The following LANCL2 variants were observed in gnomAD, a reference collection of about 807,000 sequenced individuals.
LANCL2 encodes the protein LanC like glutathione S-transferase 2, also known as lanC-like protein 2.
Under a neutral mutation model 56.9 loss-of-function variants are expected in LANCL2, and 33 were observed. The observed-to-expected ratio is 0.58, with a 90% CI of 0.44 to 0.78. The LOEUF is 0.78. Ranked by LOEUF, LANCL2 falls within the 30% of genes least tolerant of loss-of-function variation. LANCL2 has a pLI of 0.00. For synonymous variants in LANCL2, 233 were observed against 228.2 expected (o/e 1.02, Z -0.19); for missense variants, 562 against 580.2 (o/e 0.97, Z 0.32).
chr7:55,432,842 A>G lies in LANCL2; in HGVS notation c.*1522A>G, dbSNP rs565271008. On this transcript the variant is annotated 3_prime_UTR_variant, in exon 9 of 9. Transcript: ENST00000254770. ...CATTATTTTCTTTCATGTTAGATTG[A>G]TGACTTCTGTGAATAGAAATCATCC... is the stretch of plus-strand genomic sequence containing the variant. 1 of 152,276 alleles carries G rather than the reference A, an allele frequency of 6.6e-6. No homozygotes were observed. The highest frequency in any genetic ancestry group is 2.1e-4 in the South Asian group (1 of 4,818). 9.4% of individuals were successfully genotyped at this position (152,276 alleles called of 1,614,324 possible). A position where few individuals can be genotyped will look rare whatever the true frequency, so the allele number is the denominator to read the frequency against.
In LANCL2 at chr7:55,431,208, C is replaced by T; in HGVS notation, c.1259-18C>T. 6.3e-7 allele frequency: 1 copy of T among 1,586,670 alleles called. No individual in the cohort carries two copies. Among genetic ancestry groups the T allele is most frequent in the South Asian group, 1.1e-5 (1 of 88,986 alleles). The stretch of plus-strand genomic sequence containing the variant: ...ACCCTTATGCCATTCCTAAGAGGCT[C>T]CTCATTTTACATTGCAGGCATGGCT... On this transcript the variant is annotated intron_variant, in intron 8 of 8. Coordinates refer to ENST00000254770, the MANE Select transcript of LANCL2 (RefSeq NM_018697.4).
chr7:55,395,339 C>G (rs760621651), intron 2 of LANCL2, among the ~76,000 whole-genome samples: 25 of 152,032 alleles, frequency 1.6e-4, no homozygotes, highest in Admixed American at 9.2e-4. Context: ...CATTTTGTAA[C>G]TTAGTTAAGC....
At chr7:55,383,219 G>T (rs1243061871) in intron 1 of LANCL2, among the ~76,000 whole-genome samples, 2 of 152,190 alleles carry the variant, frequency 1.3e-5, no homozygotes, top group Non-Finnish European at 2.9e-5. Context: ...TGGTTTTAAG[G>T]AGCAGAGAGT....
intron 1 of LANCL2, among the ~76,000 whole-genome samples, 178 bp downstream of exon 1, chr7:55,366,407 C>T (rs954111855): frequency 5.3e-5 from 8 of 152,254 alleles, no homozygotes; most frequent in Non-Finnish European, 8.8e-5. Flanking sequence ...CCGTGGGCTT[C>T]AGCTGCATGA....
intron 7 of LANCL2, among the ~76,000 whole-genome samples, chr7:55,427,156 G>A (rs1171042532): frequency 6.6e-6 from 1 of 152,228 alleles, no homozygotes; most frequent in African/African-American, 2.4e-5. Context: ...AGAGGCCAGA[G>A]AAAGTTAGTT....
intron 5 of LANCL2, among the ~76,000 whole-genome samples, 195 bp downstream of exon 5, chr7:55,401,515 C>CTTTTTTTTTTTTTT (rs58005456): frequency 1.7e-5 from 1 of 58,046 alleles, no homozygotes; most frequent in African/African-American, 7.2e-5. Flanking sequence ...GGTATGGAGT[C>CTTTTTTTTTTTTTT]TTTTTTTTTT....
intron 6 of LANCL2, among the ~76,000 whole-genome samples, chr7:55,418,102 ATCT>A (rs1452243597): frequency 6.6e-6 from 1 of 151,838 alleles, no homozygotes; most frequent in Non-Finnish European, 1.5e-5. Context: ...GTCTTAACAC[ATCT>A]TCTGTTAAAT....
intron 1 of LANCL2, among the ~76,000 whole-genome samples, chr7:55,388,105 A>G (rs544400868): frequency 1.7e-4 from 26 of 152,344 alleles, no homozygotes; most frequent in African/African-American, 3.1e-4. Context: ...TAGCTTGTCT[A>G]TCAGTTTAAA....
At chr7:55,373,939 TAACA>T (rs1469220122) in intron 1 of LANCL2, among the ~76,000 whole-genome samples, 1 of 152,210 alleles carries the variant, frequency 6.6e-6, no homozygotes, top group Non-Finnish European at 1.5e-5. Flanking sequence ...GAATTGCATA[TAACA>T]AACCGAGTTT....
At chr7:55,372,265 A>G (rs1293945296) in intron 1 of LANCL2, among the ~76,000 whole-genome samples, 1 of 152,192 alleles carries the variant, frequency 6.6e-6, no homozygotes, top group African/African-American at 2.4e-5. Context: ...ATACATGAGC[A>G]TTTTCCATCT....
intron 4 of LANCL2, among the ~76,000 whole-genome samples, chr7:55,400,724 T>C (rs1790311699): frequency 6.6e-6 from 1 of 152,336 alleles, no homozygotes; most frequent in African/African-American, 2.4e-5. Context: ...AGACATGATA[T>C]TCTGTTGATC....
At chr7:55,417,979 C>T (rs754318049) in intron 6 of LANCL2, among the ~76,000 whole-genome samples, 1 of 152,038 alleles carries the variant, frequency 6.6e-6, no homozygotes, top group Non-Finnish European at 1.5e-5. Context: ...TGTGCCTGGC[C>T]AGAACTGACA....
chr7:55,422,204 G>GTA (rs1231777810), intron 6 of LANCL2, among the ~76,000 whole-genome samples: 2 of 152,136 alleles, frequency 1.3e-5, no homozygotes, highest in African/African-American at 2.4e-5. Flanking sequence ...ATTTTACTTA[G>GTA]TATAGGTTTA....
intron 1 of LANCL2, among the ~76,000 whole-genome samples, chr7:55,366,665 C>T (rs889772951): frequency 5.9e-5 from 9 of 152,210 alleles, no homozygotes; most frequent in African/African-American, 2.2e-4. Context: ...GAAGCATTGT[C>T]CGTACTGTCT....
At position 55,433,670 on chromosome 7, in the gene LANCL2, A is replaced by T. The variant is rs1344301120; in HGVS notation, c.*2350A>T. On this transcript the variant is annotated 3_prime_UTR_variant, in exon 9 of 9. Coordinates refer to ENST00000254770, the MANE Select transcript of LANCL2 (RefSeq NM_018697.4). ...TTTAAAATCTGAAGGAAAGAATTTG[A>T]AGTCCACAAAAAGTGTTTGAGGTTC... 1.3e-5 allele frequency: 2 copies of T among 152,256 alleles called. No individual in the cohort carries two copies. The highest frequency in any genetic ancestry group is 3.8e-4 in the East Asian group (2 of 5,204). 9.4% of individuals were successfully genotyped at this position (152,256 alleles called of 1,614,324 possible).
chr7:55,420,016 G>A (rs1279221489), intron 6 of LANCL2, among the ~76,000 whole-genome samples: 1 of 152,072 alleles, frequency 6.6e-6, no homozygotes, highest in East Asian at 1.9e-4. Flanking sequence ...TCTGGGCATG[G>A]TGGTGCCACT....
In LANCL2 at chr7:55,369,993, T is replaced by C. The variant is rs558578293; in HGVS notation, c.204+3764T>C. 3.3e-4 allele frequency among the ~76,000 whole-genome samples: 50 copies of C among 152,326 alleles called. 1 individual carries two copies. Among genetic ancestry groups the C allele is most frequent in the African/African-American group, 1.0e-3 (42 of 41,572 alleles). ...ATCTTTATAAACACTTACGATCTCA[T>C]GCAGTGTCTGAGAGTCAGGAATCCA... On this transcript the variant is annotated intron_variant, in intron 1 of 8. Transcript: ENST00000254770.
intron 2 of LANCL2, chr7:55,396,837 A>G (rs1343281358): frequency 6.6e-6 from 1 of 152,212 alleles, no homozygotes; most frequent in African/African-American, 2.4e-5. Context: ...TTCTGAGTAA[A>G]TCAGGGAATA....
chr7:55,426,983 GT>G (rs1156634084), intron 7 of LANCL2, among the ~76,000 whole-genome samples: 1 of 152,228 alleles, frequency 6.6e-6, no homozygotes, highest in Non-Finnish European at 1.5e-5. Flanking sequence ...CCAGGCAGGG[GT>G]GGCCTGCAGA....
Sources: gnomAD v4.1 joint callset for allele counts (sites outside exome capture counted in the v4.1 genomes callset) on GRCh38, gnomAD v4.1.1 for gene constraint, MANE v1.5 for transcripts, NCBI Gene and HGNC (gene_info 2026-07-23, HGNC 2026-07-21) for gene names.